CEP128: variants seen among roughly 807,000 people sequenced by gnomAD.
CEP128 encodes centrosomal protein 128.
A neutral mutation model predicts 156.7 loss-of-function variants in CEP128; 132 were observed. The observed-to-expected ratio is 0.84, with a 90% confidence interval of 0.73 to 0.97. CEP128 has a LOEUF of 0.97. Among genes scored for constraint, CEP128 ranks in the 50% least tolerant of loss-of-function variants. The pLI is 0.00. For synonymous variants in CEP128, 469 were observed against 448.9 expected (o/e 1.04, Z -0.57); for missense variants, 1,252 against 1,281.9 (o/e 0.98, Z 0.36).
chr14:80,585,242 TA>T (rs1345060217), intron 19 of CEP128, among the ~76,000 whole-genome samples: 1 of 152,220 alleles, frequency 6.6e-6, no homozygotes, highest in African/African-American at 2.4e-5. Context: ...CTGGAACACT[TA>T]GGGTTAATAT....
Position 80,849,988 on chromosome 14 carries a change from C to T in CEP128, c.763-9220G>A, listed in dbSNP as rs117515263. Among the ~76,000 whole-genome samples, 735 of 151,292 alleles carry T rather than the reference C, an allele frequency of 4.9e-3. 1 individual carries two copies. The highest frequency in any genetic ancestry group is 0.034 in the Middle Eastern group (10 of 292). ...AGGGAATGGGAATATATGATTCCCG[C>T]GAAAAAAATGCTCATATCAAATTAT... On this transcript the variant is annotated intron_variant, in intron 9 of 24. Transcript: ENST00000555265.
chr14:80,587,919 G>T (rs1421030721), intron 19 of CEP128, among the ~76,000 whole-genome samples: 1 of 152,058 alleles, frequency 6.6e-6, no homozygotes, highest in Non-Finnish European at 1.5e-5. Context: ...TAATTGGGCT[G>T]GGAGAAAGTT....
At chr14:80,494,455 A>G (rs1432244672), downstream of CEP128, among the ~76,000 whole-genome samples, 1 of 152,194 alleles carries the variant, frequency 6.6e-6, no homozygotes, top group Non-Finnish European at 1.5e-5. Context: ...ACAAATCCTG[A>G]GTAAAACAAT....
chr14:80,759,907 GGTGT>G (rs3037144), intron 17 of CEP128, among the ~76,000 whole-genome samples: 15,465 of 150,172 alleles, frequency 0.1, 1,191 homozygotes, highest in East Asian at 0.38. Context: ...CATATATATA[GGTGT>G]GTGTGTGTGT....
At chr14:80,777,758 G>C (rs1002081211) in intron 16 of CEP128, 124 bp downstream of exon 16, 5 of 705,718 alleles carry the variant, frequency 7.1e-6, no homozygotes, top group East Asian at 5.7e-5. Context: ...GACTTTTTTG[G>C]GGGGCACCAA....
At chr14:80,811,787 C>T (rs1884559343) in intron 13 of CEP128, among the ~76,000 whole-genome samples, 1 of 120,836 alleles carries the variant, frequency 8.3e-6, no homozygotes, top group Non-Finnish European at 1.8e-5. Context: ...TCTTCTGCGT[C>T]TGTGTGTGTG....
chr14:80,621,834 G>A (rs1280318242), intron 19 of CEP128, among the ~76,000 whole-genome samples: 1 of 152,088 alleles, frequency 6.6e-6, no homozygotes, highest in Non-Finnish European at 1.5e-5. Context: ...AATCATGCTT[G>A]TTTTTAGTGA....
In CEP128 at chr14:80,831,148, C is replaced by T; in HGVS notation, c.1204G>A (p.Val402Ile). The change falls in exon 13 of 25, where the codon GTA (valine) becomes ATA (isoleucine). Residue 402 changes from valine to isoleucine, a missense_variant. Physicochemically the swap from Val to Ile is conservative, Grantham distance 29 (BLOSUM62 3). Coordinates refer to ENST00000555265, the MANE Select transcript of CEP128 (RefSeq NM_152446.5). ...DKEKAHLASQ[V>I]ENLTRELENG... ...CTTAAAAAGAGCAAAGTCACCTCTACTTGTGATGCCAAATGTGCTTTCTCC... is the reference window on the plus strand; with the variant it reads ...CTTAAAAAGAGCAAAGTCACCTCTATTTGTGATGCCAAATGTGCTTTCTCC... The T allele has an allele frequency of 6.2e-7, 1 of 1,613,890 alleles. No homozygotes were observed. The highest frequency in any genetic ancestry group is 1.1e-5 in the South Asian group (1 of 91,074).
At chr14:80,756,620 T>C (rs1252427364) in intron 18 of CEP128, among the ~76,000 whole-genome samples, 2 of 152,178 alleles carry the variant, frequency 1.3e-5, no homozygotes, top group East Asian at 3.8e-4. Context: ...TGTTCCTTTG[T>C]CAATGTTCAC....
intron 19 of CEP128, among the ~76,000 whole-genome samples, chr14:80,644,457 C>T (rs887237320): frequency 6.6e-6 from 1 of 152,136 alleles, no homozygotes; most frequent in Non-Finnish European, 1.5e-5. Context: ...GGGTGTTACA[C>T]TATCAGGAGA....
intron 13 of CEP128, among the ~76,000 whole-genome samples, chr14:80,797,108 C>T (rs1216371364): frequency 1.3e-5 from 2 of 152,014 alleles, no homozygotes; most frequent in African/African-American, 4.8e-5. Context: ...AAGAGTATAC[C>T]AAATTCTTTG....
intron 19 of CEP128, among the ~76,000 whole-genome samples, chr14:80,590,003 G>C (rs553957538): frequency 1.3e-5 from 2 of 152,178 alleles, no homozygotes; most frequent in East Asian, 1.9e-4. Flanking sequence ...CCTTCACACA[G>C]TGGAAAATAA....
chr14:80,585,855 A>G (rs1196818857), intron 19 of CEP128, among the ~76,000 whole-genome samples: 3 of 152,224 alleles, frequency 2.0e-5, no homozygotes, highest in Admixed American at 2.0e-4. Flanking sequence ...AGATTCATAT[A>G]TTTAAATATA....
chr14:80,575,506 A>AG (rs1375724399), intron 20 of CEP128, among the ~76,000 whole-genome samples: 1 of 152,122 alleles, frequency 6.6e-6, no homozygotes, highest in African/African-American at 2.4e-5. Flanking sequence ...TGACCATGGC[A>AG]GGGGGGAAGG....
intron 2 of CEP128, among the ~76,000 whole-genome samples, chr14:80,952,922 A>G (rs1319000764): frequency 1.3e-5 from 2 of 152,234 alleles, no homozygotes; most frequent in Non-Finnish European, 1.5e-5. Context: ...TCATTATATG[A>G]CACAAACTGC....
At chr14:80,942,831 C>A (rs1434457041), upstream of CEP128, among the ~76,000 whole-genome samples, 1 of 152,026 alleles carries the variant, frequency 6.6e-6, no homozygotes, top group Non-Finnish European at 1.5e-5. Flanking sequence ...CCTCCTTACC[C>A]CTCCTCCCTC....
At chr14:80,884,801 C>G (rs922464608) in intron 8 of CEP128, among the ~76,000 whole-genome samples, 2 of 152,092 alleles carry the variant, frequency 1.3e-5, no homozygotes, top group Non-Finnish European at 2.9e-5. Context: ...GGAACCCCAG[C>G]GAGACAGAAC....
intron 8 of CEP128, among the ~76,000 whole-genome samples, chr14:80,877,312 T>C (rs1221544594): frequency 2.0e-5 from 3 of 151,986 alleles, no homozygotes; most frequent in Non-Finnish European, 2.9e-5. Flanking sequence ...TTTAAATAAA[T>C]GAAATCAACA....
intron 2 of CEP128, among the ~76,000 whole-genome samples, chr14:80,949,443 A>G (rs1162507504): frequency 1.3e-5 from 2 of 152,140 alleles, no homozygotes; most frequent in East Asian, 3.9e-4. Flanking sequence ...ATCATTACAC[A>G]CATGTGAAAA....
Sources: gnomAD v4.1 joint callset for allele counts (sites outside exome capture counted in the v4.1 genomes callset) on GRCh38, gnomAD v4.1.1 for gene constraint, MANE v1.5 for transcripts, NCBI Gene and HGNC (gene_info 2026-07-23, HGNC 2026-07-21) for gene names.